PCM1: variants seen among roughly 807,000 people sequenced by gnomAD.
PCM1 encodes the protein pericentriolar material 1 protein.
PCM1 carries 157 observed loss-of-function variants against 241.9 expected under a neutral mutation model. That is an observed-to-expected ratio of 0.65 (90% confidence interval 0.57 to 0.74). The LOEUF (loss-of-function observed/expected upper bound fraction) is 0.74, where lower values mean the gene tolerates loss of function less well. PCM1 is among the 30% of genes least tolerant of loss of function. The pLI is 0.00. For missense variants in PCM1, 3,478 were observed against 2,360.1 expected (o/e 1.47, Z -9.81); for synonymous variants, 1,085 against 784.9 (o/e 1.38, Z -6.39).
chr8:17,965,488 C>T (rs528058749), intron 18 of PCM1, among the ~76,000 whole-genome samples: 16 of 152,236 alleles, frequency 1.1e-4, no homozygotes, highest in South Asian at 2.1e-4. Context: ...GAATGTTGTT[C>T]CAGTAGATCC....
At chr8:17,954,016 A>C (rs1026349210) in intron 9 of PCM1, among the ~76,000 whole-genome samples, 3 of 152,166 alleles carry the variant, frequency 2.0e-5, no homozygotes, top group Admixed American at 2.0e-4. Flanking sequence ...TCCACCCACA[A>C]AAGAACCTTA....
At chr8:18,009,892 C>G (rs1342506344) in intron 31 of PCM1, 148 bp downstream of exon 31, 5 of 482,090 alleles carry the variant, frequency 1.0e-5, no homozygotes, top group Middle Eastern at 5.3e-4. Flanking sequence ...ATTACATATG[C>G]TAGTCACTTG....
intron 23 of PCM1, among the ~76,000 whole-genome samples, chr8:17,975,810 G>A (rs945224197): frequency 1.3e-5 from 2 of 152,106 alleles, no homozygotes; most frequent in African/African-American, 4.8e-5. Context: ...CTTTATATAT[G>A]AAAATAGATA....
In PCM1 at chr8:17,947,263, A is replaced by G; in HGVS notation, c.861A>G (p.Leu287=). ...KKQHDLLKRM[L]QQQEQLRALQ... is the part of the protein sequence containing the mutation. Reference sequence around the variant, plus strand: ...AACATGATTTATTAAAAAGAATGTTACAACAGCAGGAGCAACTAAGAGCTC... The same window carrying G: ...AACATGATTTATTAAAAAGAATGTTGCAACAGCAGGAGCAACTAAGAGCTC... Residue 287 remains leucine (L), a synonymous_variant, in exon 7 of 39, where the codon TTA becomes TTG. Coordinates refer to ENST00000325083, the MANE Select transcript of PCM1 (RefSeq NM_006197.4). 6.2e-7 allele frequency: 1 copy of G among 1,610,330 alleles called. No individual in the cohort carries two copies. Among genetic ancestry groups the G allele is most frequent in the Non-Finnish European group, 8.5e-7 (1 of 1,176,700 alleles).
At chr8:17,957,869 T>G (rs1017915251) in intron 13 of PCM1, 94 bp downstream of exon 13, 1 of 807,260 alleles carries the variant, frequency 1.2e-6, no homozygotes, top group Admixed American at 2.5e-5. Flanking sequence ...TTAATTATAC[T>G]AATACACATT....
In PCM1 at chr8:17,966,050, C is replaced by G. The variant is rs764427360; in HGVS notation, c.2907C>G (p.Ala969=). Residue 969 remains alanine (A), a synonymous_variant, in exon 19 of 39, where the codon GCC becomes GCG. Coordinates refer to ENST00000325083, the MANE Select transcript of PCM1 (RefSeq NM_006197.4). ...FSADENYRPL[A]KTRQQNISMQ... ...CAGATGAAAATTATCGTCCTTTAGC[C>G]AAGACAAGGCAACAGAATATCAGCA... 1.9e-6 allele frequency: 3 copies of G among 1,613,404 alleles called. No individual in the cohort carries two copies. Among genetic ancestry groups the G allele is most frequent in the Non-Finnish European group, 2.5e-6 (3 of 1,179,754 alleles).
intron 13 of PCM1, among the ~76,000 whole-genome samples, chr8:17,959,353 T>G (rs1349648896): frequency 6.6e-6 from 1 of 152,068 alleles, no homozygotes; most frequent in South Asian, 2.1e-4. Flanking sequence ...CATAGTTATT[T>G]GTAGCTGCAG....
intron 26 of PCM1, among the ~76,000 whole-genome samples, chr8:17,989,199 T>C (rs1162219963): frequency 6.6e-6 from 1 of 151,976 alleles, no homozygotes; most frequent in Non-Finnish European, 1.5e-5. Context: ...AGAGTGTATA[T>C]TGGCTGGTTC....
rs186377629 is a variant in PCM1 at position 17,964,629 on chromosome 8, G to T, written c.2716G>T (p.Gly906Cys). The T allele has an allele frequency of 2.5e-6, 4 of 1,613,698 alleles. No homozygotes were observed. The highest frequency in any genetic ancestry group is 3.4e-6 in the Non-Finnish European group (4 of 1,179,828). ...CALDEEGDED[G>C]YLSEGIVRTD... ...ACTAGATGAAGAAGGAGATGAAGAC[G>T]GTTACCTTTCTGAAGGAATTGTTCG... Residue 906 changes from glycine (G) to cysteine (C), a missense_variant, in exon 18 of 39, where the codon GGT (glycine) becomes TGT (cysteine). Physicochemically the swap from Gly to Cys is radical, Grantham distance 159. Transcript: ENST00000325083.
At chr8:17,953,722 G>A (rs942124137) in intron 9 of PCM1, among the ~76,000 whole-genome samples, 1 of 152,158 alleles carries the variant, frequency 6.6e-6, no homozygotes, top group African/African-American at 2.4e-5. Flanking sequence ...TATAACTGCG[G>A]GAGTTATCTT....
In PCM1 at chr8:17,972,514, C is replaced by T. The variant is rs762791444; in HGVS notation, c.3770C>T (p.Ser1257Leu). 1 of 1,613,920 alleles carries T rather than the reference C, an allele frequency of 6.2e-7. No individual in the cohort carries two copies. The highest frequency in any genetic ancestry group is 1.1e-5 in the South Asian group (1 of 91,080). ...NGRRRQFDEE[S>L]LESFSSMPDP... ...AGAAGACGCCAGTTTGATGAAGAAT[C>T]ACTGGAAAGCTTTAGCAGTATGCCT... The change falls in exon 23 of 39, where the codon TCA (serine) becomes TTA (leucine). Residue 1257 changes from serine to leucine, a missense_variant. Ser to Leu is a moderately radical substitution (Grantham distance 145, BLOSUM62 -2). Transcript: ENST00000325083.
At chr8:18,019,346 A>C (rs1040078619) in intron 36 of PCM1, among the ~76,000 whole-genome samples, 4 of 152,216 alleles carry the variant, frequency 2.6e-5, no homozygotes, top group Non-Finnish European at 5.9e-5. Context: ...CCTTTTTGGC[A>C]CCAGGGACTG....
chr8:17,927,208 C>A (rs1470190374), intron 2 of PCM1: 1 of 146,662 alleles, frequency 6.8e-6, no homozygotes, highest in African/African-American at 2.5e-5. Context: ...CTTACTGCAT[C>A]CCTCTCCTCC....
chr8:18,017,316 A>G (rs188764419), intron 36 of PCM1, among the ~76,000 whole-genome samples: 7 of 152,322 alleles, frequency 4.6e-5, no homozygotes, highest in Admixed American at 3.9e-4. Context: ...AATGGTTTTT[A>G]TGGTTTTATT....
intron 23 of PCM1, among the ~76,000 whole-genome samples, chr8:17,975,330 A>C (rs1191578446): frequency 6.6e-6 from 1 of 151,908 alleles, no homozygotes; most frequent in Non-Finnish European, 1.5e-5. Context: ...CACCCGGCTA[A>C]TTTTGTATTT....
chr8:17,958,803 G>A (rs2070095499), intron 13 of PCM1, among the ~76,000 whole-genome samples: 1 of 152,028 alleles, frequency 6.6e-6, no homozygotes. Context: ...CTCACTGCAA[G>A]CTCCATCTCC....
intron 2 of PCM1, among the ~76,000 whole-genome samples, chr8:17,929,795 G>A (rs1486234969): frequency 6.6e-6 from 1 of 152,128 alleles, no homozygotes; most frequent in Non-Finnish European, 1.5e-5. Context: ...CTGTATGTAT[G>A]TAACTGTGAT....
chr8:18,014,977 CACTTTA>C (rs556153787), intron 36 of PCM1, 137 bp downstream of exon 36: 481 of 724,958 alleles, frequency 6.6e-4, no homozygotes, highest in African/African-American at 5.7e-3. Flanking sequence ...TTCTAATTCA[CACTTTA>C]ACTTTAGCAG....
rs552188933 is a variant in PCM1 at position 17,999,808 on chromosome 8, T to C, written c.4827+6189T>C. On this transcript the variant is annotated intron_variant, in intron 29 of 38. Transcript: ENST00000325083. ...GAAGGGGAAGATGATTGGTGGAGGC[T>C]TCTGTTCTGCCATCTTGCTCCACCC... 1.7e-4 allele frequency among the ~76,000 whole-genome samples: 26 copies of C among 152,264 alleles called. 1 individual carries two copies. In the South Asian group the frequency reaches 5.2e-3, roughly 30 times the overall value.
Sources: allele counts gnomAD v4.1 joint callset (sites outside exome capture counted in the v4.1 genomes callset), GRCh38; gene constraint gnomAD v4.1.1; transcripts MANE v1.5; gene names NCBI Gene and HGNC (gene_info 2026-07-23, HGNC 2026-07-21).